STXBP5L: variants seen among roughly 807,000 people sequenced by gnomAD.
STXBP5L encodes syntaxin binding protein 5L, also known as syntaxin-binding protein 5-like.
STXBP5L carries 65 observed loss-of-function variants against 144.5 expected under a neutral mutation model. The ratio of observed to expected loss-of-function variants is 0.45; its 90% CI spans 0.37 to 0.55. The LOEUF (loss-of-function observed/expected upper bound fraction) is 0.55. STXBP5L is among the 20% of genes least tolerant of loss of function. The probability of loss-of-function intolerance (pLI) is 0.00; values close to 1 mark genes in which losing one functional copy is unlikely to be tolerated. For synonymous variants in STXBP5L, 505 were observed against 469.6 expected (o/e 1.08, Z -0.97); for missense variants, 1,298 against 1,405.5 (o/e 0.92, Z 1.22).
At chr3:121,112,935 C>A (rs2044060003) in intron 5 of STXBP5L, among the ~76,000 whole-genome samples, 1 of 151,976 alleles carries the variant, frequency 6.6e-6, no homozygotes, top group African/African-American at 2.4e-5. Flanking sequence ...TTATCTATGG[C>A]AATCATTCTA....
At chr3:121,048,059 T>G (rs1294947137) in intron 5 of STXBP5L, among the ~76,000 whole-genome samples, 2 of 152,196 alleles carry the variant, frequency 1.3e-5, no homozygotes, top group Non-Finnish European at 2.9e-5. Flanking sequence ...TAAATTCCCT[T>G]AGCATTTGCT....
chr3:121,124,150 G>T (rs2107862370), intron 7 of STXBP5L, among the ~76,000 whole-genome samples: 1 of 151,782 alleles, frequency 6.6e-6, no homozygotes, highest in South Asian at 2.1e-4. Flanking sequence ...TATTTGGATT[G>T]GTCTCCTAGG....
At chr3:121,163,304 A>G (rs958754909) in intron 9 of STXBP5L, among the ~76,000 whole-genome samples, 1 of 152,196 alleles carries the variant, frequency 6.6e-6, no homozygotes, top group Non-Finnish European at 1.5e-5. Flanking sequence ...CATCATTCTC[A>G]GCAAACTAAC....
chr3:121,034,072 A>G (rs755107805), intron 3 of STXBP5L, among the ~76,000 whole-genome samples: 99 of 152,196 alleles, frequency 6.5e-4, no homozygotes, highest in South Asian at 1.0e-3. Flanking sequence ...ATAATATGCC[A>G]CTCTCTAGGT....
At position 121,318,832 on chromosome 3, in the gene STXBP5L, G is replaced by C. The variant is rs192546471; in HGVS notation, c.2176+292G>C. Reference sequence around the variant, plus strand: ...ACATTAATAATGCTTACTAAGTATTGAATAAAAATTGGTGATATAGAGAAA... The same window carrying C: ...ACATTAATAATGCTTACTAAGTATTCAATAAAAATTGGTGATATAGAGAAA... On this transcript the variant is annotated intron_variant, in intron 20 of 26. Transcript: ENST00000471454. Among the ~76,000 whole-genome samples, 369 of 152,202 alleles carry C rather than the reference G, an allele frequency of 2.4e-3. 7 individuals are homozygous for C. Among genetic ancestry groups the C allele is most frequent in the Non-Finnish European group, 1.9e-3 (132 of 67,990 alleles).
At position 121,152,499 on chromosome 3, in the gene STXBP5L, G is replaced by T; in HGVS notation, c.692G>T (p.Gly231Val). The change falls in exon 8 of 27, where the codon GGT (glycine) becomes GTT (valine). Residue 231 changes from glycine to valine, a missense_variant. Physicochemically the swap from Gly to Val is moderately radical, Grantham distance 109 (BLOSUM62 -3). Transcript: ENST00000471454. ...CAGCTGCTAATAGGTTATGAAAATG[G>T]TACTGTAGTATTCTGGGACTTGAAA... ...EGKLLIGYENGTVVFWDLKSK... is the reference protein window; with the variant it reads ...EGKLLIGYENVTVVFWDLKSK... The T allele has an allele frequency of 6.2e-7, 1 of 1,608,050 alleles. No homozygotes were observed. Among genetic ancestry groups the T allele is most frequent in the Non-Finnish European group, 8.5e-7 (1 of 1,177,306 alleles).
At chr3:120,943,951 G>A (rs925961689) in intron 2 of STXBP5L, among the ~76,000 whole-genome samples, 1 of 151,142 alleles carries the variant, frequency 6.6e-6, no homozygotes, top group East Asian at 1.9e-4. Context: ...CATATTGAAA[G>A]ATGAGGGCAA....
chr3:121,310,267 A>G (rs1181310356), intron 19 of STXBP5L, among the ~76,000 whole-genome samples: 4 of 152,202 alleles, frequency 2.6e-5, no homozygotes, highest in African/African-American at 9.6e-5. Flanking sequence ...AAAATAATAA[A>G]TTTTTCTTCA....
chr3:121,377,913 A>T (rs1397749493), intron 20 of STXBP5L, among the ~76,000 whole-genome samples: 1 of 152,220 alleles, frequency 6.6e-6, no homozygotes, highest in Admixed American at 6.5e-5. Context: ...AAGACTTGGA[A>T]CCAACCCAAA....
In STXBP5L at chr3:121,257,403, G is replaced by A. The variant is rs549114434; in HGVS notation, c.1832+70G>A. On this transcript the variant is annotated intron_variant, in intron 17 of 26. Transcript: ENST00000471454. ...ATATGTCTTTGAAACTGTGACAAATGAAATTAATTTTCTCTTATTATCAAG... is the reference window on the plus strand; with the variant it reads ...ATATGTCTTTGAAACTGTGACAAATAAAATTAATTTTCTCTTATTATCAAG... 76 of 1,381,862 alleles carry A rather than the reference G, an allele frequency of 5.5e-5. No individual in the cohort carries two copies. In the African/African-American group the frequency reaches 9.4e-4, roughly 17 times the overall value. 85.6% of individuals were successfully genotyped at this position (1,381,862 alleles called of 1,614,324 possible). A position where few individuals can be genotyped will look rare whatever the true frequency, so the allele number is the denominator to read the frequency against.
chr3:121,177,310 A>G (rs1450776317), intron 9 of STXBP5L, among the ~76,000 whole-genome samples: 1 of 152,164 alleles, frequency 6.6e-6, no homozygotes, highest in African/African-American at 2.4e-5. Flanking sequence ...AATCAACAAT[A>G]TGAAAAGACA....
chr3:121,063,926 C>T (rs537341598), intron 5 of STXBP5L, among the ~76,000 whole-genome samples: 1 of 152,242 alleles, frequency 6.6e-6, no homozygotes, highest in South Asian at 2.1e-4. Context: ...GCTTGCTGTG[C>T]TCGGTGGGGT....
In STXBP5L at chr3:120,960,801, C is replaced by A. The variant is rs368764363; in HGVS notation, c.287+5764C>A. 2.6e-3 allele frequency among the ~76,000 whole-genome samples: 388 copies of A among 152,018 alleles called. 4 individuals carry two copies. Among genetic ancestry groups the A allele is most frequent in the African/African-American group, 8.7e-3 (362 of 41,430 alleles). Reference sequence around the variant, plus strand: ...GGGAGGGATAGCATTAGGAGATATACGTAATGTAAATGACGAGTTAATGGG... The same window carrying A: ...GGGAGGGATAGCATTAGGAGATATAAGTAATGTAAATGACGAGTTAATGGG... On this transcript the variant is annotated intron_variant, in intron 3 of 26. Coordinates refer to ENST00000471454, the MANE Select transcript of STXBP5L (RefSeq NM_001308330.2).
chr3:121,007,760 TGAA>T (rs1429003348), intron 3 of STXBP5L, among the ~76,000 whole-genome samples: 1 of 152,022 alleles, frequency 6.6e-6, no homozygotes, highest in Non-Finnish European at 1.5e-5. Flanking sequence ...TGCTTGTAGT[TGAA>T]GGTTACCCTG....
intron 22 of STXBP5L, among the ~76,000 whole-genome samples, chr3:121,406,035 GAACAGCAGGATC>G (rs2046986914): frequency 6.6e-6 from 1 of 152,022 alleles, no homozygotes; most frequent in African/African-American, 2.4e-5. Context: ...TGGTTTTACT[GAACAGCAGGATC>G]AATCCTAGGT....
chr3:121,085,983 T>C (rs915159597), intron 5 of STXBP5L, among the ~76,000 whole-genome samples: 1 of 152,006 alleles, frequency 6.6e-6, no homozygotes, highest in African/African-American at 2.4e-5. Context: ...CATAGACCAA[T>C]AGAACAGAAT....
rs538082002 is a variant in STXBP5L at position 121,253,180 on chromosome 3, G to A, written c.1442-1715G>A. ...GACCTCAGAAGCCAGGCTATAGCAC[G>A]CAATACAATCCTTTGTCTATTTTTT... is the stretch of plus-strand genomic sequence containing the variant. On this transcript the variant is annotated intron_variant, in intron 15 of 26. Transcript: ENST00000471454. 4.6e-5 allele frequency among the ~76,000 whole-genome samples: 7 copies of A among 151,452 alleles called. No individual in the cohort carries two copies. The South Asian group carries it at 1.3e-3, about 27-fold the overall frequency.
At chr3:121,113,354 G>C (rs2044083094) in intron 5 of STXBP5L, among the ~76,000 whole-genome samples, 2 of 152,066 alleles carry the variant, frequency 1.3e-5, no homozygotes, top group African/African-American at 4.8e-5. Context: ...ATTGAAAATT[G>C]ATTCTTCATT....
intron 2 of STXBP5L, among the ~76,000 whole-genome samples, chr3:120,946,268 A>G (rs990038167): frequency 1.3e-5 from 2 of 151,732 alleles, no homozygotes; most frequent in Admixed American, 1.3e-4. Context: ...AACTGATTCC[A>G]TGATTGTACG....
Sources: gnomAD v4.1 joint callset for allele counts (sites outside exome capture counted in the v4.1 genomes callset) on GRCh38, gnomAD v4.1.1 for gene constraint, MANE v1.5 for transcripts, NCBI Gene and HGNC (gene_info 2026-07-23, HGNC 2026-07-21) for gene names.